PBX4: variants seen among roughly 807,000 people sequenced by gnomAD.
PBX4 encodes pre-B-cell leukemia transcription factor 4.
A neutral mutation model predicts 35.1 loss-of-function variants in PBX4; 26 were observed. That is an observed-to-expected ratio of 0.74 (90% CI 0.54 to 1.03). The LOEUF (loss-of-function observed/expected upper bound fraction) is 1.03. Among genes scored for constraint, PBX4 ranks in the 50% least tolerant of loss-of-function variants. PBX4 has a pLI of 0.00. For synonymous variants in PBX4, 199 were observed against 204.2 expected (o/e 0.97, Z 0.22); for missense variants, 448 against 504.3 (o/e 0.89, Z 1.07).
intron 2 of PBX4, among the ~76,000 whole-genome samples, chr19:19,584,072 GAAGA>G (rs2061473645): frequency 1.3e-5 from 2 of 151,772 alleles, no homozygotes; most frequent in South Asian, 2.1e-4. Context: ...TTCATCTCAA[GAAGA>G]AAGAAAGAAA....
chr19:19,603,814 G>A (rs1039232707), intron 1 of PBX4, among the ~76,000 whole-genome samples: 2 of 151,848 alleles, frequency 1.3e-5, no homozygotes, highest in African/African-American at 2.4e-5. Context: ...AAAATTAGCC[G>A]GGCATGATGG....
chr19:19,578,495 C>T (rs945441726), intron 2 of PBX4, among the ~76,000 whole-genome samples: 5 of 152,298 alleles, frequency 3.3e-5, no homozygotes, highest in Admixed American at 3.3e-4. Flanking sequence ...TCAGCTCCCC[C>T]AGGGCCCTTG....
intron 2 of PBX4, among the ~76,000 whole-genome samples, chr19:19,593,397 AAC>A (rs2144759025): frequency 6.6e-6 from 1 of 152,308 alleles, no homozygotes; most frequent in Non-Finnish European, 1.5e-5. Context: ...CAGGACCATG[AAC>A]AGTTTCCTCT....
At chr19:19,571,483 TA>T (rs1333870568) in intron 2 of PBX4, among the ~76,000 whole-genome samples, 2 of 152,068 alleles carry the variant, frequency 1.3e-5, no homozygotes, top group South Asian at 2.1e-4. Context: ...GGGACCTGGA[TA>T]GGGGCAGGGC....
intron 2 of PBX4, among the ~76,000 whole-genome samples, chr19:19,573,536 A>T (rs2061400304): frequency 6.6e-6 from 1 of 152,198 alleles, no homozygotes; most frequent in Non-Finnish European, 1.5e-5. Flanking sequence ...CAGAGACTTA[A>T]CCACAAGTCT....
At chr19:19,571,901 C>T (rs566749321) in intron 2 of PBX4, among the ~76,000 whole-genome samples, 7 of 151,436 alleles carry the variant, frequency 4.6e-5, no homozygotes, top group South Asian at 2.1e-4. Flanking sequence ...AGCGTGGTGG[C>T]GCCTGCCTGT....
intron 2 of PBX4, among the ~76,000 whole-genome samples, chr19:19,592,070 G>A (rs528373014): frequency 2.0e-5 from 3 of 151,974 alleles, no homozygotes; most frequent in African/African-American, 7.2e-5. Flanking sequence ...GGGAGGTGGG[G>A]GGGTGGTTCA....
chr19:19,616,132 CT>C (rs2061687699), intron 1 of PBX4, among the ~76,000 whole-genome samples: 1 of 152,060 alleles, frequency 6.6e-6, no homozygotes, highest in Non-Finnish European at 1.5e-5. Context: ...CTTTCCTTTC[CT>C]TTTCTGTAAT....
chr19:19,580,205 G>A (rs1252357842), intron 2 of PBX4, among the ~76,000 whole-genome samples: 1 of 152,044 alleles, frequency 6.6e-6, no homozygotes, highest in African/African-American at 2.4e-5. Flanking sequence ...TGACAGTGCC[G>A]GTGACTCTGC....
intron 1 of PBX4, among the ~76,000 whole-genome samples, chr19:19,599,720 C>T (rs1328486156): frequency 2.0e-5 from 3 of 152,106 alleles, no homozygotes; most frequent in Non-Finnish European, 4.4e-5. Flanking sequence ...TGCCTATAAT[C>T]CCAGAACTTT....
intron 1 of PBX4, among the ~76,000 whole-genome samples, chr19:19,602,457 T>C (rs1366833078): frequency 6.6e-6 from 1 of 151,754 alleles, no homozygotes; most frequent in Non-Finnish European, 1.5e-5. Context: ...CATGTTTTTT[T>C]TCTTTTTCTT....
At position 19,564,986 on chromosome 19, in the gene PBX4, G is replaced by A. The variant is rs139542458; in HGVS notation, c.872C>T (p.Thr291Met). 37 of 1,614,068 alleles carry A rather than the reference G, an allele frequency of 2.3e-5. No homozygotes were observed. The highest frequency in any genetic ancestry group is 8.9e-5 in the East Asian group (4 of 44,894). Residue 291 changes from threonine to methionine, a missense_variant, in exon 6 of 8, where the codon ACG becomes ATG. Transcript: ENST00000251203. Reference protein sequence around the residue: ...IYTGKTAVDTTEVGVPGNHAS... With the variant: ...IYTGKTAVDTMEVGVPGNHAS... The stretch of plus-strand genomic sequence containing the variant: ...GTGGTTCCCTGGGACCCCAACTTCC[G>A]TGGTATCCACAGCCGTTTTACCCGT...
intron 2 of PBX4, among the ~76,000 whole-genome samples, chr19:19,571,558 C>T (rs2061382933): frequency 6.6e-6 from 1 of 152,096 alleles, no homozygotes; most frequent in African/African-American, 2.4e-5. Context: ...GTGGGGTCTG[C>T]AGGTCAGCTA....
At chr19:19,601,636 A>T (rs1178109683) in intron 1 of PBX4, among the ~76,000 whole-genome samples, 1 of 152,194 alleles carries the variant, frequency 6.6e-6, no homozygotes, top group African/African-American at 2.4e-5. Flanking sequence ...TGACCCTTAA[A>T]GGTAGAGAAC....
intron 1 of PBX4, among the ~76,000 whole-genome samples, chr19:19,617,307 C>T (rs2061693497): frequency 6.6e-6 from 1 of 152,008 alleles, no homozygotes; most frequent in Non-Finnish European, 1.5e-5. Context: ...CCATGCCTGG[C>T]TTATACTTTT....
intron 1 of PBX4, among the ~76,000 whole-genome samples, chr19:19,611,852 T>G (rs2061664516): frequency 6.6e-6 from 1 of 151,654 alleles, no homozygotes; most frequent in African/African-American, 2.4e-5. Context: ...CAGTGAGCAT[T>G]TAGAATGGGT....
At chr19:19,575,236 C>CA (rs34956246) in intron 2 of PBX4, among the ~76,000 whole-genome samples, 26,913 of 93,424 alleles carry the variant, frequency 0.29, 3,230 homozygotes, top group East Asian at 0.35. Flanking sequence ...GACTCTGTCT[C>CA]AAAAAAAAAA....
At chr19:19,564,536 G>A (rs1291121693) in intron 6 of PBX4, among the ~76,000 whole-genome samples, 2 of 152,044 alleles carry the variant, frequency 1.3e-5, no homozygotes, top group African/African-American at 2.4e-5. Flanking sequence ...ACAGGTGTGA[G>A]GCACTGCACC....
Position 19,563,760 on chromosome 19 carries a change from C to T in PBX4, c.926-145G>A, listed in dbSNP as rs778400470. The T allele has an allele frequency of 9.9e-6, 7 of 708,856 alleles. No individual in the cohort carries two copies. The highest frequency in any genetic ancestry group is 9.2e-5 in the South Asian group (6 of 65,338). The allele number at this position is 708,856 out of a possible 1,614,324, so 43.9% of individuals were successfully genotyped here. A position where few individuals can be genotyped will look rare whatever the true frequency, so the allele number is the denominator to read the frequency against. ...CTCTGCTCCTCAGCCCCCACCCAGGCAGGCCAGCGGGCCCTCCCCACCACA... is the reference window on the plus strand; with the variant it reads ...CTCTGCTCCTCAGCCCCCACCCAGGTAGGCCAGCGGGCCCTCCCCACCACA... On this transcript the variant is annotated intron_variant, in intron 6 of 7. Coordinates refer to ENST00000251203, the MANE Select transcript of PBX4 (RefSeq NM_025245.3). The surrounding 1 kb of genome is among the most constrained non-coding windows in gnomAD (Gnocchi z 5.1).
Sources: gnomAD v4.1 joint callset for allele counts (sites outside exome capture counted in the v4.1 genomes callset) on GRCh38, gnomAD v4.1.1 for gene constraint, Gnocchi (gnomAD v3.1) non-coding constraint, MANE v1.5 for transcripts, NCBI Gene and HGNC (gene_info 2026-07-23, HGNC 2026-07-21) for gene names.